The following EPHA6 variants were observed in gnomAD, a reference collection of about 807,000 sequenced individuals.
The protein encoded by EPHA6 is ephrin type-A receptor 6.
A neutral mutation model predicts 112.0 loss-of-function variants in EPHA6; 50 were observed. That is an observed-to-expected ratio of 0.45 (90% CI 0.36 to 0.56). The LOEUF (loss-of-function observed/expected upper bound fraction) is 0.56, where lower values mean the gene tolerates loss of function less well. Among genes scored for constraint, EPHA6 ranks in the 20% least tolerant of loss-of-function variants. The pLI is 0.00. For synonymous variants in EPHA6, 529 were observed against 490.7 expected (o/e 1.08, Z -1.03); for missense variants, 1,280 against 1,417.4 (o/e 0.90, Z 1.56).
intron 8 of EPHA6, among the ~76,000 whole-genome samples, chr3:97,478,444 C>A (rs545619188): frequency 1.3e-5 from 2 of 152,158 alleles, no homozygotes; most frequent in African/African-American, 4.8e-5. Context: ...AGATATACCA[C>A]TTCAAAGGAG....
At chr3:97,323,214 A>C (rs1299352464) in intron 5 of EPHA6, among the ~76,000 whole-genome samples, 1 of 151,994 alleles carries the variant, frequency 6.6e-6, no homozygotes, top group African/African-American at 2.4e-5. Flanking sequence ...TTTTTTAAAA[A>C]GTTCTGCATA....
chr3:97,392,776 C>G (rs1335666182), intron 5 of EPHA6, among the ~76,000 whole-genome samples: 3 of 151,506 alleles, frequency 2.0e-5, no homozygotes, highest in Non-Finnish European at 4.4e-5. Flanking sequence ...TTATTAATGA[C>G]TTGTCATATT....
chr3:97,320,832 T>TA (rs869060619), intron 5 of EPHA6, among the ~76,000 whole-genome samples: 2 of 138,920 alleles, frequency 1.4e-5, no homozygotes, highest in African/African-American at 5.7e-5. Context: ...ATAAAAAAAA[T>TA]AAAAAAAAAG....
chr3:97,217,265 G>C (rs2078060834), intron 3 of EPHA6, among the ~76,000 whole-genome samples: 1 of 152,012 alleles, frequency 6.6e-6, no homozygotes, highest in South Asian at 2.1e-4. Flanking sequence ...GAGGTGCAGA[G>C]GTTCTCTGTG....
intron 11 of EPHA6, among the ~76,000 whole-genome samples, chr3:97,536,604 G>A (rs2092767690): frequency 6.6e-6 from 1 of 152,126 alleles, no homozygotes; most frequent in Non-Finnish European, 1.5e-5. Flanking sequence ...GAATATTGTG[G>A]GTTCCTTCTG....
chr3:97,311,574 C>A (rs2081565069), intron 5 of EPHA6, among the ~76,000 whole-genome samples: 1 of 151,658 alleles, frequency 6.6e-6, no homozygotes, highest in South Asian at 2.1e-4. Context: ...ATTGCATTGG[C>A]AACTTCAAAG....
chr3:97,221,804 G>C (rs984266365), intron 3 of EPHA6, among the ~76,000 whole-genome samples: 1 of 152,122 alleles, frequency 6.6e-6, no homozygotes, highest in Non-Finnish European at 1.5e-5. Context: ...GGCCGACGCA[G>C]GTGGATCACT....
intron 2 of EPHA6, among the ~76,000 whole-genome samples, chr3:96,907,297 C>A (rs1236393212): frequency 6.6e-6 from 1 of 151,508 alleles, no homozygotes; most frequent in East Asian, 1.9e-4. Flanking sequence ...GTTCAAGGGG[C>A]TGTTAAAGGT....
chr3:97,290,142 G>T (rs1427782645), intron 5 of EPHA6, among the ~76,000 whole-genome samples: 1 of 152,010 alleles, frequency 6.6e-6, no homozygotes, highest in East Asian at 1.9e-4. Flanking sequence ...CAGAGATTTT[G>T]GTATGATGGG....
intron 5 of EPHA6, among the ~76,000 whole-genome samples, chr3:97,369,573 T>G (rs906067026): frequency 2.6e-5 from 4 of 152,278 alleles, no homozygotes; most frequent in African/African-American, 7.2e-5. Context: ...CAGGGATGAC[T>G]GGTTTGGTAT....
chr3:97,453,916 C>A (rs1199140932), intron 7 of EPHA6, among the ~76,000 whole-genome samples: 1 of 151,690 alleles, frequency 6.6e-6, no homozygotes, highest in Non-Finnish European at 1.5e-5. Context: ...AGTTCTAAAT[C>A]ATTGCATATG....
rs531003586 is a variant in EPHA6, at chr3:96,940,098, G to C, written c.451-47232G>C. On this transcript the variant is annotated intron_variant, in intron 2 of 17. Coordinates refer to ENST00000389672, the MANE Select transcript of EPHA6 (RefSeq NM_001080448.3). ...ATATTCTGTTGATCTGGGGTGGAGA[G>C]TTCTGTAGATGTCTATTAGGTCCAC... Among the ~76,000 whole-genome samples, 10 of 152,314 alleles carry C rather than the reference G, an allele frequency of 6.6e-5. No homozygotes were observed. The South Asian group carries it at 2.1e-3, about 32-fold the overall frequency.
chr3:96,953,909 G>C (rs1285590426), intron 2 of EPHA6, among the ~76,000 whole-genome samples: 1 of 150,566 alleles, frequency 6.6e-6, no homozygotes, highest in Non-Finnish European at 1.5e-5. Context: ...GTCTGACTCT[G>C]TCACTCAGGC....
intron 8 of EPHA6, among the ~76,000 whole-genome samples, chr3:97,479,014 C>T (rs185931443): frequency 3.0e-4 from 46 of 152,218 alleles, no homozygotes; most frequent in African/African-American, 1.1e-3. Context: ...TTTACCAACT[C>T]TAGCTATTAG....
intron 5 of EPHA6, among the ~76,000 whole-genome samples, chr3:97,302,506 T>C (rs973222126): frequency 1.9e-4 from 28 of 151,122 alleles, no homozygotes; most frequent in Admixed American, 6.6e-5. Flanking sequence ...TTATTATTAT[T>C]ATTTTTTTGT....
chr3:97,178,843 T>G (rs1042544865), intron 3 of EPHA6, among the ~76,000 whole-genome samples: 1 of 152,118 alleles, frequency 6.6e-6, no homozygotes, highest in African/African-American at 2.4e-5. Flanking sequence ...TTAAATCTGC[T>G]TTGTCTTCTA....
chr3:97,730,583 G>A (rs2034992268), intron 15 of EPHA6, among the ~76,000 whole-genome samples: 1 of 151,990 alleles, frequency 6.6e-6, no homozygotes, highest in South Asian at 2.1e-4. Context: ...CGTATCCTAA[G>A]ACAACAAACC....
At chr3:97,644,435 G>C (rs1210083503) in intron 14 of EPHA6, among the ~76,000 whole-genome samples, 31 of 150,522 alleles carry the variant, frequency 2.1e-4, no homozygotes, top group African/African-American at 7.1e-4. Flanking sequence ...AAATAACTAA[G>C]ATCAGAGCAG....
At position 97,755,416 on chromosome 3, in the gene EPHA6, A is replaced by T. The variant is rs529967597; in HGVS notation, c.*6715A>T. The stretch of plus-strand genomic sequence containing the variant: ...CCTCTGGCCATTTTTAATTTGTCAT[A>T]ATAAACTCATTTCTGGTTAGATAAT... On this transcript the variant is annotated 3_prime_UTR_variant, in exon 18 of 18. Coordinates refer to ENST00000389672, the MANE Select transcript of EPHA6 (RefSeq NM_001080448.3). Among the ~76,000 whole-genome samples, 26 of 152,306 alleles carry T rather than the reference A, an allele frequency of 1.7e-4. No homozygotes were observed. The highest frequency in any genetic ancestry group is 3.4e-3 in the Middle Eastern group (1 of 294).
Sources: gnomAD v4.1 joint callset for allele counts (sites outside exome capture counted in the v4.1 genomes callset) on GRCh38, gnomAD v4.1.1 for gene constraint, MANE v1.5 for transcripts, NCBI Gene and HGNC (gene_info 2026-07-23, HGNC 2026-07-21) for gene names.